ASAP2: variants seen among roughly 807,000 people sequenced by gnomAD.
The protein encoded by ASAP2 is ArfGAP with SH3 domain, ankyrin repeat and PH domain 2.
Under a neutral mutation model 131.4 loss-of-function variants are expected in ASAP2, and 45 were observed. The observed-to-expected ratio is 0.34, with a 90% CI of 0.27 to 0.44. ASAP2 has a LOEUF of 0.44. Ranked by LOEUF, ASAP2 falls within the 20% of genes least tolerant of loss-of-function variation. ASAP2 has a pLI of 1.00. For missense variants in ASAP2, 1,011 were observed against 1,297.0 expected (o/e 0.78, Z 3.39); for synonymous variants, 510 against 503.0 (o/e 1.01, Z -0.19).
In ASAP2 at chr2:9,391,028, G is replaced by A. The variant is rs771032957; in HGVS notation, c.2384-34G>A. On this transcript the variant is annotated intron_variant, in intron 22 of 27. Coordinates refer to ENST00000281419, the MANE Select transcript of ASAP2 (RefSeq NM_003887.3). ...TTCGTGTGTGCACGTGTATGTGTGCGTGCATGCGTCTGTGTGCATGCGTGT... is the reference window on the plus strand; with the variant it reads ...TTCGTGTGTGCACGTGTATGTGTGCATGCATGCGTCTGTGTGCATGCGTGT... The A allele has an allele frequency of 7.4e-6, 12 of 1,613,954 alleles. No homozygotes were observed. In the East Asian group the frequency reaches 1.1e-4, roughly 15 times the overall value.
chr2:9,373,244 G>T (rs1311063922), intron 16 of ASAP2, among the ~76,000 whole-genome samples: 3 of 151,450 alleles, frequency 2.0e-5, no homozygotes, highest in Admixed American at 2.0e-4. Context: ...AGTTCACCAG[G>T]TGCCCCTGGA....
At chr2:9,393,759 G>A (rs751096998) in intron 24 of ASAP2, 112 bp downstream of exon 24, 230 of 1,158,926 alleles carry the variant, frequency 2.0e-4, no homozygotes, top group East Asian at 3.3e-4. Context: ...CAGCGTGGGC[G>A]CCACATAACT....
At chr2:9,218,346 ACTTGAC>A (rs776350011) in intron 1 of ASAP2, among the ~76,000 whole-genome samples, 3 of 152,190 alleles carry the variant, frequency 2.0e-5, no homozygotes. Context: ...GTGTTTATTA[ACTTGAC>A]CTTGACCAAT....
intron 7 of ASAP2, among the ~76,000 whole-genome samples, chr2:9,328,165 A>G (rs1449276187): frequency 6.6e-6 from 1 of 152,158 alleles, no homozygotes; most frequent in Non-Finnish European, 1.5e-5. Context: ...AGAGACAGAA[A>G]GCAGGTGAGT....
intron 1 of ASAP2, among the ~76,000 whole-genome samples, chr2:9,273,818 A>C (rs1452346157): frequency 6.6e-6 from 1 of 152,248 alleles, no homozygotes; most frequent in African/African-American, 2.4e-5. Context: ...TATGTTTTAC[A>C]ATAGTGATGT....
intron 2 of ASAP2, among the ~76,000 whole-genome samples, chr2:9,280,196 TA>T (rs1667040628): frequency 6.6e-6 from 1 of 152,160 alleles, no homozygotes; most frequent in African/African-American, 2.4e-5. Context: ...CCCACTGAAG[TA>T]GTCAGGTCCC....
At chr2:9,369,846 G>T (rs1558375397) in intron 16 of ASAP2, among the ~76,000 whole-genome samples, 1 of 152,014 alleles carries the variant, frequency 6.6e-6, no homozygotes, top group Non-Finnish European at 1.5e-5. Context: ...TAAAGGGAGA[G>T]AATTTAGATT....
rs779015334 is a variant in ASAP2, at chr2:9,391,103, T to G, written c.2425T>G (p.Ser809Ala). Residue 809 changes from serine to alanine, a missense_variant, in exon 23 of 28, where the codon TCT becomes GCT. By Grantham distance (99) the Ser-to-Ala change is moderately conservative. This residue lies in a region of ASAP2 where 652 missense variants were observed against 698.9 expected (regional missense o/e 0.93). Coordinates refer to ENST00000281419, the MANE Select transcript of ASAP2 (RefSeq NM_003887.3). The stretch of plus-strand genomic sequence containing the variant: ...TGCTAACACCCTGTGGAAGACAAAC[T>G]CTGTAAGTGTGGACGGTGGAAGCCG... ...SSANTLWKTN[S>A]VSVDGGSRQR... 2 of 1,614,242 alleles carry G rather than the reference T, an allele frequency of 1.2e-6. No individual in the cohort carries two copies. The highest frequency in any genetic ancestry group is 4.5e-5 in the East Asian group (2 of 44,880).
At chr2:9,292,443 A>T (rs1165589421) in intron 2 of ASAP2, among the ~76,000 whole-genome samples, 1 of 152,146 alleles carries the variant, frequency 6.6e-6, no homozygotes, top group East Asian at 1.9e-4. Flanking sequence ...ACTTGAACCC[A>T]GGAGTTGGAG....
At chr2:9,354,267 C>A (rs1407335407) in intron 12 of ASAP2, among the ~76,000 whole-genome samples, 2 of 152,220 alleles carry the variant, frequency 1.3e-5, no homozygotes, top group Non-Finnish European at 1.5e-5. Flanking sequence ...AGAGCCAGAG[C>A]CCTGGCCACA....
chr2:9,338,333 CTCTG>C (rs375170989), intron 9 of ASAP2, among the ~76,000 whole-genome samples: 54 of 151,694 alleles, frequency 3.6e-4, no homozygotes, highest in African/African-American at 1.1e-3. Context: ...GTCTATCTCT[CTCTG>C]TCTGTCTCTA....
intron 6 of ASAP2, among the ~76,000 whole-genome samples, chr2:9,323,939 G>T (rs1463751182): frequency 2.0e-5 from 3 of 152,210 alleles, no homozygotes; most frequent in Non-Finnish European, 4.4e-5. Flanking sequence ...TGCCAGGTAC[G>T]TGTATACAAA....
chr2:9,260,207 A>G (rs772016757), intron 1 of ASAP2, among the ~76,000 whole-genome samples: 5 of 152,240 alleles, frequency 3.3e-5, no homozygotes, highest in Non-Finnish European at 7.3e-5. Context: ...GGCCCAGGTG[A>G]TCAAGTAATT....
At chr2:9,372,041 C>G (rs1273425301) in intron 16 of ASAP2, among the ~76,000 whole-genome samples, 1 of 152,188 alleles carries the variant, frequency 6.6e-6, no homozygotes, top group Non-Finnish European at 1.5e-5. Context: ...GTAGGAGCTG[C>G]CTTCGGGGCC....
At chr2:9,246,208 A>G (rs1664331770) in intron 1 of ASAP2, among the ~76,000 whole-genome samples, 1 of 152,212 alleles carries the variant, frequency 6.6e-6, no homozygotes, top group Admixed American at 6.5e-5. Flanking sequence ...AGACATTTAA[A>G]ACAGGTGGAC....
chr2:9,321,768 A>T (rs1324372874), intron 5 of ASAP2, among the ~76,000 whole-genome samples: 1 of 152,188 alleles, frequency 6.6e-6, no homozygotes, highest in Non-Finnish European at 1.5e-5. Flanking sequence ...GATAACATCA[A>T]ATTCTGTAAA....
At chr2:9,375,044 A>G in intron 17 of ASAP2, 100 bp downstream of exon 17, 1 of 969,478 alleles carries the variant, frequency 1.0e-6, no homozygotes, top group East Asian at 4.0e-5. Flanking sequence ...GCCAAGGCGG[A>G]GGATCCTTTG....
chr2:9,263,554 G>T (rs921744830), intron 1 of ASAP2, among the ~76,000 whole-genome samples: 2 of 152,240 alleles, frequency 1.3e-5, no homozygotes, highest in African/African-American at 4.8e-5. Flanking sequence ...ACTGTCATCT[G>T]TTTCCGTTTC....
chr2:9,266,286 AC>A (rs1327051990), intron 1 of ASAP2, among the ~76,000 whole-genome samples: 28 of 151,836 alleles, frequency 1.8e-4, no homozygotes, highest in Non-Finnish European at 3.2e-4. Context: ...AACTGGGACC[AC>A]AGGCACCTAC....
Sources: allele counts gnomAD v4.1 joint callset (sites outside exome capture counted in the v4.1 genomes callset), GRCh38; gene constraint gnomAD v4.1.1; regional missense constraint gnomAD v4.1.1; transcripts MANE v1.5; gene names NCBI Gene and HGNC (gene_info 2026-07-23, HGNC 2026-07-21).